MAST4: variants seen among roughly 807,000 people sequenced by gnomAD.
The protein encoded by MAST4 is microtubule-associated serine/threonine-protein kinase 4.
In MAST4, 89 loss-of-function variants were observed where a neutral mutation model predicts 162.7. The observed-to-expected ratio is 0.55, with a 90% CI of 0.46 to 0.65. The LOEUF (loss-of-function observed/expected upper bound fraction) is 0.65, where lower values mean the gene tolerates loss of function less well. Among genes scored for constraint, MAST4 ranks in the 30% least tolerant of loss-of-function variants. The pLI is 0.00. For synonymous variants in MAST4, 1,479 were observed against 1,361.1 expected, an observed-to-expected ratio of 1.09 and a Z score of -1.91; for missense variants, 3,153 against 3,374.0, an observed-to-expected ratio of 0.93 and a Z score of 1.62.
At chr5:66,807,067 TA>T (rs1285298079) in intron 3 of MAST4, among the ~76,000 whole-genome samples, 1 of 152,220 alleles carries the variant, frequency 6.6e-6, no homozygotes, top group Non-Finnish European at 1.5e-5. Flanking sequence ...AATAGGTGCA[TA>T]TAGTCATGGG....
At position 66,718,175 on chromosome 5, in the gene MAST4, TTTTTTTTTTC is replaced by T. The variant is rs796947390; in HGVS notation, c.364-41524_364-41515del. On this transcript the variant is annotated intron_variant, in intron 1 of 28. Coordinates refer to ENST00000403625, the MANE Select transcript of MAST4 (RefSeq NM_001164664.2). ...TTTAAAACCAGTGGGTTTTTTTTTC[TTTTTTTTTTC>T]TTTTTTTTTTGCTTTGCTGAGAAAA... Among the ~76,000 whole-genome samples, 109 of 147,230 alleles carry T rather than the reference TTTTTTTTTTC, an allele frequency of 7.4e-4. 2 individuals are homozygous for T. The highest frequency in any genetic ancestry group is 2.6e-3 in the African/African-American group (106 of 40,046).
At chr5:66,720,033 A>G (rs974994416) in intron 1 of MAST4, among the ~76,000 whole-genome samples, 1 of 152,202 alleles carries the variant, frequency 6.6e-6, no homozygotes, top group Non-Finnish European at 1.5e-5. Flanking sequence ...TACTGCAGCT[A>G]ATGCTTATTA....
At chr5:66,951,105 G>C (rs1321183239) in intron 4 of MAST4, among the ~76,000 whole-genome samples, 1 of 152,158 alleles carries the variant, frequency 6.6e-6, no homozygotes, top group African/African-American at 2.4e-5. Flanking sequence ...GCTACTATTA[G>C]AGGGCATTTA....
intron 3 of MAST4, among the ~76,000 whole-genome samples, chr5:66,817,000 C>A (rs1052666378): frequency 1.3e-5 from 2 of 152,108 alleles, no homozygotes; most frequent in African/African-American, 4.8e-5. Flanking sequence ...CTACCCTTAC[C>A]CTCTACCCAC....
At chr5:66,673,380 G>A (rs1294404138) in intron 1 of MAST4, among the ~76,000 whole-genome samples, 1 of 151,426 alleles carries the variant, frequency 6.6e-6, no homozygotes, top group Non-Finnish European at 1.5e-5. Context: ...GTTGTTAGAT[G>A]TTCTAAAGGT....
chr5:66,902,649 G>A (rs1268924550), intron 4 of MAST4: 1 of 469,040 alleles, frequency 2.1e-6, no homozygotes, highest in Non-Finnish European at 4.4e-6. Context: ...TTTTTAAAAG[G>A]TGCAGAAGCA....
chr5:66,761,324 A>G (rs1185288456), intron 2 of MAST4, among the ~76,000 whole-genome samples: 1 of 152,208 alleles, frequency 6.6e-6, no homozygotes, highest in Non-Finnish European at 1.5e-5. Flanking sequence ...AAAATACCCA[A>G]ATTAAGATAA....
At chr5:66,850,911 G>A (rs972132745) in intron 3 of MAST4, among the ~76,000 whole-genome samples, 4 of 146,240 alleles carry the variant, frequency 2.7e-5, no homozygotes, top group Non-Finnish European at 6.0e-5. Flanking sequence ...GACCCAAGAT[G>A]TTGCCACCAT....
chr5:66,877,208 A>G (rs904720186), intron 3 of MAST4, among the ~76,000 whole-genome samples: 1 of 152,206 alleles, frequency 6.6e-6, no homozygotes, highest in African/African-American at 2.4e-5. Flanking sequence ...GAAATATGAT[A>G]TAAGGGAGGC....
intron 4 of MAST4, among the ~76,000 whole-genome samples, chr5:67,013,101 G>A (rs1419961468): frequency 1.3e-5 from 2 of 152,190 alleles, no homozygotes; most frequent in African/African-American, 4.8e-5. Flanking sequence ...ATTTATCAGT[G>A]ACTGATTTTG....
At chr5:66,852,970 A>G (rs1299227924) in intron 3 of MAST4, among the ~76,000 whole-genome samples, 1 of 152,228 alleles carries the variant, frequency 6.6e-6, no homozygotes, top group Admixed American at 6.5e-5. Context: ...CAACAGTGTC[A>G]TAGTGGATGG....
At chr5:66,818,629 A>C (rs1386523565) in intron 3 of MAST4, among the ~76,000 whole-genome samples, 1 of 152,084 alleles carries the variant, frequency 6.6e-6, no homozygotes, top group Admixed American at 6.6e-5. Flanking sequence ...ATGCATATGT[A>C]TGTGTGGGTA....
intron 4 of MAST4, among the ~76,000 whole-genome samples, chr5:66,945,679 G>A (rs1035267403): frequency 6.6e-6 from 1 of 152,128 alleles, no homozygotes; most frequent in East Asian, 1.9e-4. Context: ...ATTTGGTAGG[G>A]AAAGCTTCTA....
At chr5:66,622,487 G>T (rs1399439403) in intron 1 of MAST4, among the ~76,000 whole-genome samples, 1 of 150,994 alleles carries the variant, frequency 6.6e-6, no homozygotes, top group Non-Finnish European at 1.5e-5. Flanking sequence ...GTAGAAGGGT[G>T]ACAAGATCTA....
In MAST4 at chr5:67,165,800, C is replaced by T; in HGVS notation, c.6621C>T (p.His2207=). 1.2e-6 allele frequency: 2 copies of T among 1,610,670 alleles called. No individual in the cohort carries two copies. The highest frequency in any genetic ancestry group is 1.7e-6 in the Non-Finnish European group (2 of 1,178,772). The part of the protein sequence containing the change: ...GPDPGPPKTK[H]PDRSLSSQKP... ...ACCCGGGCCCTCCAAAGACTAAGCA[C>T]CCCGACCGGTCCCTCTCCTCTCAGA... The change falls in exon 29 of 29, where the codon CAC becomes CAT. Residue 2207 remains histidine (H), a synonymous_variant. Coordinates refer to ENST00000403625, the MANE Select transcript of MAST4 (RefSeq NM_001164664.2).
chr5:66,680,855 A>G (rs1177169419), intron 1 of MAST4, among the ~76,000 whole-genome samples: 1 of 152,168 alleles, frequency 6.6e-6, no homozygotes, highest in Non-Finnish European at 1.5e-5. Flanking sequence ...CCAGAGGAGG[A>G]GTCACCTTGA....
At chr5:66,707,311 G>T (rs184490425) in intron 1 of MAST4, among the ~76,000 whole-genome samples, 24 of 152,266 alleles carry the variant, frequency 1.6e-4, no homozygotes, top group Non-Finnish European at 3.1e-4. Flanking sequence ...CTGACACCAG[G>T]TGCTGTGATA....
At chr5:66,776,750 G>T (rs770316219) in intron 2 of MAST4, among the ~76,000 whole-genome samples, 2 of 152,210 alleles carry the variant, frequency 1.3e-5, no homozygotes, top group African/African-American at 4.8e-5. Flanking sequence ...AGGATATTGT[G>T]CTAGGTGTGA....
intron 27 of MAST4, among the ~76,000 whole-genome samples, chr5:67,162,043 C>T (rs370613309): frequency 1.6e-4 from 24 of 152,286 alleles, no homozygotes; most frequent in Admixed American, 1.3e-4. Context: ...CCTGCTGATA[C>T]GATACGCTTC....
Sources: gnomAD v4.1 joint callset for allele counts (sites outside exome capture counted in the v4.1 genomes callset) on GRCh38, gnomAD v4.1.1 for gene constraint, MANE v1.5 for transcripts, NCBI Gene and HGNC (gene_info 2026-07-23, HGNC 2026-07-21) for gene names.